The following ROR1 variants were observed in gnomAD, a reference collection of about 807,000 sequenced individuals.
ROR1 encodes inactive tyrosine-protein kinase transmembrane receptor ROR1.
A neutral mutation model predicts 78.8 loss-of-function variants in ROR1; 19 were observed. The observed-to-expected ratio is 0.24, with a 90% CI of 0.17 to 0.35. ROR1 has a LOEUF of 0.35. ROR1 is among the 10% of genes least tolerant of loss of function. The probability of loss-of-function intolerance (pLI) is 1.00; values close to 1 mark genes in which losing one functional copy is unlikely to be tolerated. For synonymous variants in ROR1, 386 were observed against 433.6 expected (o/e 0.89, Z 1.36); for missense variants, 917 against 1,177.8 (o/e 0.78, Z 3.24).
chr1:64,125,011 A>G (rs899747490), intron 4 of ROR1, among the ~76,000 whole-genome samples: 2 of 152,222 alleles, frequency 1.3e-5, no homozygotes, highest in Non-Finnish European at 2.9e-5. Context: ...TCTTGCTTGC[A>G]AAGTTTGTAT....
chr1:63,797,619 A>G (rs1399353731), intron 1 of ROR1, among the ~76,000 whole-genome samples: 1 of 152,192 alleles, frequency 6.6e-6, no homozygotes, highest in African/African-American at 2.4e-5. Flanking sequence ...ATTCAGCTCT[A>G]TTTGAACAAG....
chr1:63,851,100 C>G (rs1645111157), intron 1 of ROR1, among the ~76,000 whole-genome samples: 1 of 152,186 alleles, frequency 6.6e-6, no homozygotes, highest in African/African-American at 2.4e-5. Context: ...CTGCCTCAGC[C>G]TCCTGAGTAG....
chr1:64,003,697 A>G (rs1342633309), intron 1 of ROR1, among the ~76,000 whole-genome samples: 2 of 141,730 alleles, frequency 1.4e-5, no homozygotes, highest in Middle Eastern at 3.4e-3. Flanking sequence ...CTGACCTTGC[A>G]CTACTGGGGA....
intron 8 of ROR1, among the ~76,000 whole-genome samples, chr1:64,170,003 T>C (rs533204306): frequency 8.7e-4 from 132 of 152,284 alleles, no homozygotes; most frequent in Non-Finnish European, 1.6e-3. Flanking sequence ...TCCTGGCTGC[T>C]TTCATGGGCT....
intron 1 of ROR1, among the ~76,000 whole-genome samples, chr1:63,900,988 G>C (rs705517): frequency 0.92 from 139,984 of 152,146 alleles, 64,468 homozygotes; most frequent in East Asian, 1. Context: ...CATTATTACC[G>C]TCATGTTACA....
intron 1 of ROR1, among the ~76,000 whole-genome samples, chr1:63,917,789 G>A (rs918862290): frequency 6.6e-6 from 1 of 152,164 alleles, no homozygotes; most frequent in African/African-American, 2.4e-5. Context: ...CAGTTAAGGA[G>A]TTGCCACCTG....
chr1:64,094,298 G>A (rs1313192148), intron 4 of ROR1: 1 of 152,042 alleles, frequency 6.6e-6, no homozygotes, highest in African/African-American at 2.4e-5. Context: ...CAGAAACTGG[G>A]GCTCTAGAAA....
Position 64,061,649 on chromosome 1 carries a change from G to A in ROR1, c.482+10933G>A, listed in dbSNP as rs148163594. On this transcript the variant is annotated intron_variant, in intron 4 of 8. Transcript: ENST00000371079. ...GGTTCACACACTTAGAGAAGCAGGG[G>A]TTTAGAGAAGAGGTGCCTGGCCAGA... Among the ~76,000 whole-genome samples, 556 of 152,304 alleles carry A rather than the reference G, an allele frequency of 3.7e-3. 2 individuals carry two copies. The Middle Eastern group carries it at 0.041, about 11-fold the overall frequency.
intron 7 of ROR1, among the ~76,000 whole-genome samples, chr1:64,148,947 A>G (rs560736800): frequency 6.6e-6 from 1 of 152,290 alleles, no homozygotes; most frequent in South Asian, 2.1e-4. Flanking sequence ...TGTGTCTCAG[A>G]CCCTGTGAAC....
intron 1 of ROR1, among the ~76,000 whole-genome samples, chr1:63,979,898 A>C (rs931432945): frequency 7.9e-5 from 12 of 152,236 alleles, no homozygotes; most frequent in Non-Finnish European, 4.4e-5. Flanking sequence ...AATAAAATAC[A>C]TATGCACAAA....
chr1:63,975,877 G>C (rs1160537375), intron 1 of ROR1, among the ~76,000 whole-genome samples: 1 of 152,138 alleles, frequency 6.6e-6, no homozygotes, highest in Non-Finnish European at 1.5e-5. Flanking sequence ...AATTCATGCT[G>C]GGGATTGCTA....
intron 1 of ROR1, among the ~76,000 whole-genome samples, chr1:63,910,491 G>C (rs1173952814): frequency 6.6e-6 from 1 of 152,126 alleles, no homozygotes; most frequent in African/African-American, 2.4e-5. Context: ...GGATGAGACA[G>C]TGGACCTATG....
chr1:64,051,436 T>A (rs557505252), intron 4 of ROR1, among the ~76,000 whole-genome samples: 581 of 141,284 alleles, frequency 4.1e-3, no homozygotes, highest in Non-Finnish European at 6.3e-3. Context: ...GGCAGCAGAG[T>A]GAGACTCCGT....
chr1:63,956,959 C>A (rs1267634811), intron 1 of ROR1, among the ~76,000 whole-genome samples: 1 of 152,118 alleles, frequency 6.6e-6, no homozygotes, highest in Non-Finnish European at 1.5e-5. Flanking sequence ...CCAAGTGCTA[C>A]CTCCTTCCTA....
At chr1:63,863,746 GTAT>G (rs1645196852) in intron 1 of ROR1, among the ~76,000 whole-genome samples, 1 of 145,382 alleles carries the variant, frequency 6.9e-6, no homozygotes, top group Non-Finnish European at 1.5e-5. Context: ...GTATTGTATT[GTAT>G]TGTATTGTAT....
chr1:63,836,409 T>C (rs536680342), intron 1 of ROR1, among the ~76,000 whole-genome samples: 106 of 151,634 alleles, frequency 7.0e-4, no homozygotes, highest in Non-Finnish European at 1.4e-3. Context: ...CCAAGTGAGT[T>C]AGGATATATT....
rs1644596016 is a variant in ROR1 at position 63,774,170 on chromosome 1, GGGACT to G, written c.-246_-242del. On this transcript the variant is annotated 5_prime_UTR_variant, in exon 1 of 9. Transcript: ENST00000371079. The surrounding 1 kb of genome is among the most constrained non-coding windows in gnomAD (Gnocchi z 5.7). ...CCCACTGGTGCGACCCGGACAGCCT[GGGACT>G]GACCCGCCGGCCCAGGCGAGGCTGC... The G allele has an allele frequency of 9.0e-6, 2 of 221,026 alleles. No individual in the cohort carries two copies. Among genetic ancestry groups the G allele is most frequent in the African/African-American group, 4.6e-5 (2 of 43,112 alleles). The allele number at this position is 221,026 out of a possible 1,614,324, so 13.7% of individuals were successfully genotyped here. A position where few individuals can be genotyped will look rare whatever the true frequency, so the allele number is the denominator to read the frequency against.
At chr1:63,958,645 G>A (rs1646003079) in intron 1 of ROR1, among the ~76,000 whole-genome samples, 2 of 152,158 alleles carry the variant, frequency 1.3e-5, no homozygotes, top group African/African-American at 4.8e-5. Context: ...CTGGATGTAG[G>A]TGGCAGTCCA....
intron 1 of ROR1, among the ~76,000 whole-genome samples, chr1:63,875,382 A>T (rs1645278843): frequency 6.6e-6 from 1 of 152,184 alleles, no homozygotes; most frequent in South Asian, 2.1e-4. Flanking sequence ...GCTATGTTTA[A>T]ATCTTAGCTC....
Sources: gnomAD v4.1 joint callset for allele counts (sites outside exome capture counted in the v4.1 genomes callset) on GRCh38, gnomAD v4.1.1 for gene constraint, Gnocchi (gnomAD v3.1) non-coding constraint, MANE v1.5 for transcripts, NCBI Gene and HGNC (gene_info 2026-07-23, HGNC 2026-07-21) for gene names.